H2BC12: variants seen among roughly 807,000 people sequenced by gnomAD.
H2BC12 encodes H2B clustered histone 12, also known as histone H2B type 1-K.
H2BC12 carries 6 observed loss-of-function variants against 6.3 expected under a neutral mutation model. That is an observed-to-expected ratio of 0.95 (90% CI 0.52 to 1.87). The LOEUF is 1.87. Among genes scored for constraint, H2BC12 ranks in the 40% most tolerant of loss-of-function variants. The pLI, the probability that H2BC12 is intolerant of heterozygous loss-of-function variation, is 0.01. For synonymous variants in H2BC12, 132 were observed against 78.5 expected, an observed-to-expected ratio of 1.68 and a Z score of -3.60; for missense variants, 119 against 178.4, an observed-to-expected ratio of 0.67 and a Z score of 1.90.
At chr6:27,139,962 CTG>C in the H2BC12 span, 1 of 263,692 alleles carries the variant, frequency 3.8e-6, no homozygotes, top group Non-Finnish European at 7.7e-6. Flanking sequence ...TAACTTCCCT[CTG>C]GACCTTCAAA....
At chr6:27,139,261 A>C in the H2BC12 span, 12 of 1,534,410 alleles carry the variant, frequency 7.8e-6, no homozygotes, top group Admixed American at 4.1e-5. Flanking sequence ...CCCATAAAAG[A>C]AAGCTGCCAT....
chr6:27,139,842 G>A, the H2BC12 span: 1 of 686,936 alleles, frequency 1.5e-6, no homozygotes, highest in African/African-American at 1.8e-5. Flanking sequence ...AGCCTCTGCT[G>A]GCCAGTAACT....
chr6:27,141,247 AAAAG>A, the H2BC12 span, among the ~76,000 whole-genome samples: 2 of 152,184 alleles, frequency 1.3e-5, no homozygotes, highest in South Asian at 2.1e-4. Flanking sequence ...CAAAAGGGAC[AAAAG>A]AAAGGGTGAA....
the H2BC12 span, among the ~76,000 whole-genome samples, chr6:27,141,342 ATTC>A: frequency 6.6e-6 from 1 of 152,144 alleles, no homozygotes; most frequent in African/African-American, 2.4e-5. Context: ...CGTATCTCAT[ATTC>A]TTGTGAGATA....
chr6:27,145,707 T>C (rs569615405), downstream of H2BC12, among the ~76,000 whole-genome samples: 15 of 152,316 alleles, frequency 9.8e-5, no homozygotes, highest in Non-Finnish European at 1.3e-4. Context: ...ATTGGACCAA[T>C]TGACGCTGAA....
At chr6:27,139,446 C>T in the H2BC12 span, 5 of 1,614,092 alleles carry the variant, frequency 3.1e-6, no homozygotes, top group Non-Finnish European at 3.4e-6. Context: ...GCGTGAAGCG[C>T]ATTTCTGGCC....
chr6:27,139,337 G>C, the H2BC12 span: 2 of 1,613,310 alleles, frequency 1.2e-6, no homozygotes, highest in Non-Finnish European at 1.7e-6. Context: ...GGAGGTAAGG[G>C]CCTGGGGAAA....
At chr6:27,144,624 CAA>C (rs1269669832), downstream of H2BC12, among the ~76,000 whole-genome samples, 1 of 151,694 alleles carries the variant, frequency 6.6e-6, no homozygotes, top group African/African-American at 2.4e-5. Flanking sequence ...GTAAAAAGAG[CAA>C]AAAGGACTGA....
At chr6:27,144,251 C>T (rs897825269), downstream of H2BC12, among the ~76,000 whole-genome samples, 14 of 152,160 alleles carry the variant, frequency 9.2e-5, 1 homozygote, top group Middle Eastern at 0.014. Flanking sequence ...CGCCCAAGGT[C>T]GGGAGTTCCA....
At chr6:27,146,090 G>A, downstream of H2BC12, among the ~76,000 whole-genome samples, 1 of 152,216 alleles carries the variant, frequency 6.6e-6, no homozygotes, top group Admixed American at 6.5e-5. Context: ...GGAAGTCACA[G>A]CACTCGACAC....
chr6:27,139,253 C>T, the H2BC12 span: 11 of 1,528,666 alleles, frequency 7.2e-6, no homozygotes, highest in Admixed American at 2.1e-4. Context: ...AGAGGTTACC[C>T]ATAAAAGAAA....
In H2BC12 at chr6:27,146,387, G is replaced by A. The variant is rs1429796318; in HGVS notation, c.*31C>T. ...AAGTGGCTCTTAAAAGAGCCTTTGG[G>A]GTTGGGCTTTAAGACGCTTACTTGG... is the stretch of plus-strand genomic sequence containing the variant. On this transcript the variant is annotated 3_prime_UTR_variant, in exon 1 of 1. Coordinates refer to ENST00000356950, the MANE Select transcript of H2BC12 (RefSeq NM_001312653.2). 2.1e-5 allele frequency: 34 copies of A among 1,613,926 alleles called. No homozygotes were observed. The highest frequency in any genetic ancestry group is 1.6e-4 in the Middle Eastern group (1 of 6,084).
chr6:27,146,230 T>C (rs529382873), downstream of H2BC12, among the ~76,000 whole-genome samples: 27 of 152,362 alleles, frequency 1.8e-4, no homozygotes, highest in Middle Eastern at 6.8e-3. Context: ...TGGCTTCTCC[T>C]TAGCCAGACT....
rs200177468 is a variant in H2BC12, at chr6:27,146,837, C to A, written c.-39G>T. The A allele has an allele frequency of 6.3e-5, 101 of 1,602,692 alleles. No individual in the cohort carries two copies. The highest frequency in any genetic ancestry group is 8.3e-5 in the Non-Finnish European group (98 of 1,174,864). On this transcript the variant is annotated 5_prime_UTR_variant, in exon 1 of 1. Transcript: ENST00000356950. Reference sequence around the variant, plus strand: ...TACGAGCCTGAGACGAGCAGCAGATCGAGAAAACGGGAAGTAATGGGAGCA... The same window carrying A: ...TACGAGCCTGAGACGAGCAGCAGATAGAGAAAACGGGAAGTAATGGGAGCA...
downstream of H2BC12, chr6:27,146,322 G>C: frequency 4.5e-6 from 7 of 1,572,752 alleles, no homozygotes; most frequent in Non-Finnish European, 6.0e-6. Context: ...TTTAAGCCTG[G>C]ATTAGGAACA....
chr6:27,139,508 T>C, the H2BC12 span: 2 of 1,611,158 alleles, frequency 1.2e-6, no homozygotes, highest in Non-Finnish European at 1.7e-6. Flanking sequence ...GAGAACGTGA[T>C]CCGGGACGCC....
chr6:27,146,855 T>G lies in H2BC12; in HGVS notation c.-57A>C. ...AGCAGATCGAGAAAACGGGAAGTAA[T>G]GGGAGCAAGGTACCAGGAGTCGTTT... is the stretch of plus-strand genomic sequence containing the variant. On this transcript the variant is annotated 5_prime_UTR_variant, in exon 1 of 1. Transcript: ENST00000356950. The G allele has an allele frequency of 6.3e-7, 1 of 1,594,300 alleles. No individual in the cohort carries two copies. The highest frequency in any genetic ancestry group is 8.5e-7 in the Non-Finnish European group (1 of 1,171,126).
chr6:27,146,334 G>T, downstream of H2BC12: 1 of 1,588,528 alleles, frequency 6.3e-7, no homozygotes, highest in Non-Finnish European at 8.6e-7. Flanking sequence ...TTAGGAACAC[G>T]TGTTTACAGC....
At chr6:27,139,567 G>A in the H2BC12 span, 28 of 1,613,880 alleles carry the variant, frequency 1.7e-5, no homozygotes, top group South Asian at 2.2e-4. Flanking sequence ...CGCCATGGAC[G>A]TGGTCTACGC....
Sources: gnomAD v4.1 joint callset for allele counts (sites outside exome capture counted in the v4.1 genomes callset) on GRCh38, gnomAD v4.1.1 for gene constraint, MANE v1.5 for transcripts, NCBI Gene and HGNC (gene_info 2026-07-23, HGNC 2026-07-21) for gene names.